OTOGL: variants seen among roughly 807,000 people sequenced by gnomAD.
The protein encoded by OTOGL is otogelin like.
A neutral mutation model predicts 318.5 loss-of-function variants in OTOGL; 285 were observed. The ratio of observed to expected loss-of-function variants is 0.89; its 90% CI spans 0.81 to 0.99. The LOEUF (loss-of-function observed/expected upper bound fraction) is 0.99, where lower values mean the gene tolerates loss of function less well. Ranked by LOEUF, OTOGL falls within the 50% of genes least tolerant of loss-of-function variation. The pLI is 0.00. For missense variants in OTOGL, 2,899 were observed against 2,845.6 expected, an observed-to-expected ratio of 1.02 and a Z score of -0.43; for synonymous variants, 987 against 936.5, an observed-to-expected ratio of 1.05 and a Z score of -0.99.
At chr12:80,227,102 G>A (rs1409037652) in intron 7 of OTOGL, among the ~76,000 whole-genome samples, 1 of 152,006 alleles carries the variant, frequency 6.6e-6, no homozygotes, top group African/African-American at 2.4e-5. Flanking sequence ...GAGCTCTGGG[G>A]TGGAGTGATC....
At chr12:80,328,872 C>A (rs977817676) in intron 36 of OTOGL, 128 bp downstream of exon 36, 24 of 1,051,632 alleles carry the variant, frequency 2.3e-5, no homozygotes, top group African/African-American at 6.5e-5. Context: ...TCTTCAATGT[C>A]TCTTACATAG....
chr12:80,240,472 A>G (rs952896113), intron 11 of OTOGL, among the ~76,000 whole-genome samples: 2 of 152,164 alleles, frequency 1.3e-5, no homozygotes, highest in Admixed American at 6.5e-5. Flanking sequence ...TAATTAAAAA[A>G]TGAATTTCTG....
chr12:80,358,707 A>G lies in OTOGL; in HGVS notation c.6158A>G (p.Asn2053Ser). ...EPNLCPMPLL[N>S]CAEDMNLVKE... Reference sequence around the variant, plus strand: ...AACCTTTGTCCTATGCCATTACTCAACTGTGCAGAAGATATGAATCTTGTG... The same window carrying G: ...AACCTTTGTCCTATGCCATTACTCAGCTGTGCAGAAGATATGAATCTTGTG... Residue 2053 changes from asparagine to serine, a missense_variant, in exon 51 of 59, where the codon AAC becomes AGC. This residue lies in a region of OTOGL where 2,607 missense variants were observed against 2,524.9 expected (regional missense o/e 1.03). Transcript: ENST00000547103. 6.2e-7 allele frequency: 1 copy of G among 1,613,264 alleles called. No individual in the cohort carries two copies. The highest frequency in any genetic ancestry group is 8.5e-7 in the Non-Finnish European group (1 of 1,179,450).
rs9737714 is a variant in OTOGL, at chr12:80,147,626, C to G, written c.-20+48021C>G. Among the ~76,000 whole-genome samples, 4 of 150,778 alleles carry G rather than the reference C, an allele frequency of 2.7e-5. No homozygotes were observed. In the East Asian group the frequency reaches 5.9e-4, roughly 22 times the overall value. ...GGGTATTCTTGTTGACTTTCTGTCT[C>G]CTTGATCTGTCTAATGTTGACAGTG... On this transcript the variant is annotated intron_variant, in intron 1 of 58. Coordinates refer to ENST00000547103, the MANE Select transcript of OTOGL (RefSeq NM_001378609.3).
At chr12:80,283,958 C>T (rs997982524) in intron 26 of OTOGL, among the ~76,000 whole-genome samples, 30 of 152,034 alleles carry the variant, frequency 2.0e-4, no homozygotes, top group African/African-American at 6.7e-4. Context: ...TTGCTACACC[C>T]ATCAACCTGT....
intron 1 of OTOGL, among the ~76,000 whole-genome samples, chr12:80,178,891 C>T (rs1421105817): frequency 6.6e-6 from 1 of 152,154 alleles, no homozygotes; most frequent in African/African-American, 2.4e-5. Flanking sequence ...AAATTAAGGA[C>T]TCTTTCATTT....
chr12:80,307,813 G>C (rs1449695517), intron 29 of OTOGL, among the ~76,000 whole-genome samples: 1 of 139,818 alleles, frequency 7.2e-6, no homozygotes, highest in Admixed American at 6.8e-5. Flanking sequence ...CAGTAGGGGC[G>C]GCCGGGCAGA....
chr12:80,201,432 C>T (rs556468866), intron 1 of OTOGL, among the ~76,000 whole-genome samples: 2 of 152,096 alleles, frequency 1.3e-5, no homozygotes, highest in Non-Finnish European at 1.5e-5. Context: ...TGGGGAGATG[C>T]GAGACACCTT....
At chr12:80,210,695 G>A (rs2137309619) in intron 2 of OTOGL, among the ~76,000 whole-genome samples, 152 bp from the exon 3 acceptor site, 1 of 152,182 alleles carries the variant, frequency 6.6e-6, no homozygotes, top group South Asian at 2.1e-4. Flanking sequence ...CAGGAAATTT[G>A]CTGGTCAAAT....
At chr12:80,229,491 A>G (rs982966892) in intron 8 of OTOGL, 113 bp downstream of exon 8, 3 of 1,337,606 alleles carry the variant, frequency 2.2e-6, no homozygotes, top group East Asian at 2.5e-5. Context: ...TTCTTCAACA[A>G]TACTCTTAAA....
At chr12:80,183,735 G>T (rs1311218879) in intron 1 of OTOGL, among the ~76,000 whole-genome samples, 5 of 152,186 alleles carry the variant, frequency 3.3e-5, no homozygotes, top group African/African-American at 1.2e-4. Context: ...GTTAGGATAG[G>T]CCGAGGGATG....
At chr12:80,295,513 T>A (rs1276790273) in intron 26 of OTOGL, among the ~76,000 whole-genome samples, 1 of 152,182 alleles carries the variant, frequency 6.6e-6, no homozygotes, top group Non-Finnish European at 1.5e-5. Flanking sequence ...TTTCTTACTA[T>A]GAAAATAAAT....
chr12:80,197,429 T>A (rs1294164731), intron 1 of OTOGL, among the ~76,000 whole-genome samples: 1 of 152,180 alleles, frequency 6.6e-6, no homozygotes, highest in East Asian at 1.9e-4. Flanking sequence ...TTTCACCATG[T>A]TGGCCAGGCT....
intron 1 of OTOGL, among the ~76,000 whole-genome samples, chr12:80,111,053 G>A (rs1042850064): frequency 2.0e-5 from 3 of 152,108 alleles, no homozygotes; most frequent in African/African-American, 7.2e-5. Flanking sequence ...GCATAAATGT[G>A]TGCTTTTGAG....
intron 1 of OTOGL, among the ~76,000 whole-genome samples, chr12:80,189,077 C>T (rs370282360): frequency 3.3e-5 from 5 of 152,104 alleles, no homozygotes; most frequent in African/African-American, 1.2e-4. Flanking sequence ...AAAGTCTACT[C>T]CACCATTTTT....
chr12:80,361,660 G>A (rs895041193), intron 52 of OTOGL, among the ~76,000 whole-genome samples: 1 of 151,972 alleles, frequency 6.6e-6, no homozygotes, highest in African/African-American at 2.4e-5. Context: ...TTGTCTTCTT[G>A]ATAATGACCA....
At chr12:80,278,076 T>C in intron 24 of OTOGL, 92 bp from the exon 25 acceptor site, 2 of 988,154 alleles carry the variant, frequency 2.0e-6, no homozygotes, top group Non-Finnish European at 1.5e-6. Flanking sequence ...CTAATAAATA[T>C]AGATGACAGT....
chr12:80,211,141 A>G (rs556102794), intron 3 of OTOGL, among the ~76,000 whole-genome samples: 1 of 152,162 alleles, frequency 6.6e-6, no homozygotes, highest in South Asian at 2.1e-4. Context: ...GTCTTTGATG[A>G]CTGTTGGTAC....
intron 52 of OTOGL, among the ~76,000 whole-genome samples, chr12:80,362,870 CCT>C (rs140021533): frequency 0.094 from 14,304 of 151,988 alleles, 1,374 homozygotes; most frequent in African/African-American, 0.24. Context: ...ACCATAAAAC[CCT>C]CTCTCTCACC....
Sources: gnomAD v4.1 joint callset for allele counts (sites outside exome capture counted in the v4.1 genomes callset) on GRCh38, gnomAD v4.1.1 for gene constraint, gnomAD v4.1.1 regional missense constraint, MANE v1.5 for transcripts, NCBI Gene and HGNC (gene_info 2026-07-23, HGNC 2026-07-21) for gene names.